FER: variants seen among roughly 807,000 people sequenced by gnomAD.
The protein encoded by FER is FER tyrosine kinase.
A neutral mutation model predicts 111.0 loss-of-function variants in FER; 63 were observed. That is an observed-to-expected ratio of 0.57 (90% CI 0.46 to 0.70). The LOEUF (loss-of-function observed/expected upper bound fraction) is 0.70. Among genes scored for constraint, FER ranks in the 30% least tolerant of loss-of-function variants. The probability of loss-of-function intolerance (pLI) is 0.00; values close to 1 mark genes in which losing one functional copy is unlikely to be tolerated. For synonymous variants in FER, 327 were observed against 313.9 expected (o/e 1.04, Z -0.44); for missense variants, 914 against 954.0 (o/e 0.96, Z 0.55).
intron 14 of FER, among the ~76,000 whole-genome samples, chr5:109,040,779 T>G (rs1771053186): frequency 6.6e-6 from 1 of 152,108 alleles, no homozygotes; most frequent in Non-Finnish European, 1.5e-5. Flanking sequence ...AATGATCTAG[T>G]GAAAATTCAT....
chr5:108,988,676 A>AT (rs1450768060), intron 13 of FER, among the ~76,000 whole-genome samples: 1 of 151,524 alleles, frequency 6.6e-6, no homozygotes, highest in Non-Finnish European at 1.5e-5. Context: ...CTTCTTTCTT[A>AT]TTTTCTGGGT....
intron 16 of FER, among the ~76,000 whole-genome samples, chr5:109,060,277 A>T (rs1305186163): frequency 6.6e-6 from 1 of 152,178 alleles, no homozygotes; most frequent in East Asian, 1.9e-4. Context: ...ACATATATAA[A>T]CTAAGCTTCA....
At chr5:109,148,370 G>C (rs948407981) in intron 17 of FER, among the ~76,000 whole-genome samples, 1 of 152,082 alleles carries the variant, frequency 6.6e-6, no homozygotes, top group Non-Finnish European at 1.5e-5. Context: ...TTAGAAAAAG[G>C]CTGTCAGGGA....
At chr5:109,003,112 A>T (rs1316985601) in intron 13 of FER, among the ~76,000 whole-genome samples, 3 of 152,192 alleles carry the variant, frequency 2.0e-5, no homozygotes, top group Non-Finnish European at 4.4e-5. Flanking sequence ...CCATCCCATT[A>T]CTGGGTATAT....
intron 5 of FER, among the ~76,000 whole-genome samples, chr5:108,862,839 T>TA (rs796721040): frequency 7.2e-4 from 103 of 143,554 alleles, no homozygotes; most frequent in Middle Eastern, 3.5e-3. Context: ...AAATGGTGAG[T>TA]AAAAAAAAAA....
intron 9 of FER, among the ~76,000 whole-genome samples, chr5:108,890,600 A>G (rs1297643699): frequency 6.6e-6 from 1 of 151,912 alleles, no homozygotes; most frequent in Non-Finnish European, 1.5e-5. Flanking sequence ...CTCTTCTTAT[A>G]AGGGCAACAG....
intron 17 of FER, among the ~76,000 whole-genome samples, chr5:109,139,232 T>A (rs1753241052): frequency 6.6e-6 from 1 of 152,092 alleles, no homozygotes; most frequent in Non-Finnish European, 1.5e-5. Flanking sequence ...AATCACTTCC[T>A]TGTCTTCCAC....
intron 17 of FER, among the ~76,000 whole-genome samples, chr5:109,144,643 G>A (rs1330835986): frequency 1.3e-5 from 2 of 152,046 alleles, no homozygotes; most frequent in African/African-American, 4.8e-5. Flanking sequence ...CCTACACTTA[G>A]CTAACCAGAA....
chr5:109,101,091 T>A (rs9647581), intron 17 of FER, among the ~76,000 whole-genome samples: 1,809 of 152,112 alleles, frequency 0.012, 18 homozygotes, highest in Non-Finnish European at 0.02. Context: ...GTTCTGATTG[T>A]ATGTAGTGAC....
At chr5:109,145,762 T>C (rs1281234726) in intron 17 of FER, among the ~76,000 whole-genome samples, 3 of 152,116 alleles carry the variant, frequency 2.0e-5, no homozygotes, top group African/African-American at 4.8e-5. Flanking sequence ...AATGTTATTA[T>C]TGGAACTTTA....
intron 9 of FER, among the ~76,000 whole-genome samples, chr5:108,887,012 T>C (rs1417802964): frequency 6.6e-6 from 1 of 151,746 alleles, no homozygotes; most frequent in Non-Finnish European, 1.5e-5. Flanking sequence ...TGTATATAAC[T>C]ACACATGTAT....
chr5:108,756,528 TAGG>T (rs1751130137), intron 1 of FER, among the ~76,000 whole-genome samples: 1 of 151,992 alleles, frequency 6.6e-6, no homozygotes, highest in African/African-American at 2.4e-5. Context: ...AAATTTGCTA[TAGG>T]AGAGTAATTA....
At chr5:109,164,689 C>T (rs1040546649) in intron 17 of FER, among the ~76,000 whole-genome samples, 2 of 152,062 alleles carry the variant, frequency 1.3e-5, no homozygotes, top group Non-Finnish European at 1.5e-5. Flanking sequence ...CTAATTGATG[C>T]CTTTTCCTCA....
intron 13 of FER, among the ~76,000 whole-genome samples, chr5:108,988,696 T>C (rs547562122): frequency 4.6e-5 from 7 of 152,278 alleles, no homozygotes; most frequent in African/African-American, 7.2e-5. Flanking sequence ...TTAATGCTGC[T>C]AATGATCTAT....
intron 10 of FER, among the ~76,000 whole-genome samples, chr5:108,944,075 T>G (rs987108193): frequency 6.6e-6 from 1 of 151,450 alleles, no homozygotes; most frequent in African/African-American, 2.4e-5. Flanking sequence ...TTGTAATTAT[T>G]ATGAACCAGT....
In FER at chr5:109,030,037, T is replaced by C. The variant is rs1409353654; in HGVS notation, c.1657-7385T>C. Among the ~76,000 whole-genome samples the C allele has an allele frequency of 4.6e-5, 7 of 152,300 alleles. No individual in the cohort carries two copies. The East Asian group carries it at 1.3e-3, about 29-fold the overall frequency. On this transcript the variant is annotated intron_variant, in intron 13 of 19. Transcript: ENST00000281092. ...TCTATTTTCTCTTTGTTGTTCAAAT[T>C]GGGTAATCTATTGATCTGTCCTCAA...
chr5:108,774,543 C>T (rs1306261903), intron 2 of FER, among the ~76,000 whole-genome samples: 1 of 152,152 alleles, frequency 6.6e-6, no homozygotes, highest in African/African-American at 2.4e-5. Context: ...ATTCGTATTT[C>T]TCCACAGCCT....
intron 5 of FER, among the ~76,000 whole-genome samples, chr5:108,845,095 C>CAA (rs1761899164): frequency 8.2e-6 from 1 of 121,302 alleles, no homozygotes; most frequent in Non-Finnish European, 1.7e-5. Context: ...CACACACACA[C>CAA]AATTGATTTT....
intron 17 of FER, among the ~76,000 whole-genome samples, chr5:109,130,601 T>C (rs1752255073): frequency 6.6e-6 from 1 of 152,142 alleles, no homozygotes; most frequent in Non-Finnish European, 1.5e-5. Context: ...TAACATGCAA[T>C]TAGTGTGAAA....
Sources: gnomAD v4.1 joint callset for allele counts (sites outside exome capture counted in the v4.1 genomes callset) on GRCh38, gnomAD v4.1.1 for gene constraint, MANE v1.5 for transcripts, NCBI Gene and HGNC (gene_info 2026-07-23, HGNC 2026-07-21) for gene names.